The following MGAT4C variants were observed in gnomAD, a reference collection of about 807,000 sequenced individuals.
MGAT4C encodes the protein MGAT4 family member C.
MGAT4C carries 19 observed loss-of-function variants against 40.1 expected under a neutral mutation model. The ratio of observed to expected loss-of-function variants is 0.47; its 90% CI spans 0.33 to 0.70. The LOEUF (loss-of-function observed/expected upper bound fraction) is 0.70, where lower values mean the gene tolerates loss of function less well. Ranked by LOEUF, MGAT4C falls within the 30% of genes least tolerant of loss-of-function variation. The pLI, the probability that MGAT4C is intolerant of heterozygous loss-of-function variation, is 0.02. For synonymous variants in MGAT4C, 181 were observed against 187.1 expected (o/e 0.97, Z 0.27); for missense variants, 491 against 563.2 (o/e 0.87, Z 1.30).
In MGAT4C at chr12:85,972,383, AT is replaced by A; in HGVS notation, c.*6905del. 1 of 151,100 alleles carries A rather than the reference AT, an allele frequency of 6.6e-6. No homozygotes were observed. Among genetic ancestry groups the A allele is most frequent in the Non-Finnish European group, 1.5e-5 (1 of 67,268 alleles). The allele number at this position is 151,100 out of a possible 1,614,324, so 9.4% of individuals were successfully genotyped here. On this transcript the variant is annotated 3_prime_UTR_variant, in exon 5 of 5. Coordinates refer to ENST00000611864, the MANE Select transcript of MGAT4C (RefSeq NM_001351288.2). Reference sequence around the variant, plus strand: ...TCATTTAAAGAAAAACTATTTGTTCATTTTATTAGCAGATATCAAATGCCCT... The same window carrying A: ...TCATTTAAAGAAAAACTATTTGTTCATTTATTAGCAGATATCAAATGCCCT...
At chr12:86,754,743 C>T (rs946338434) in intron 1 of MGAT4C, among the ~76,000 whole-genome samples, 4 of 152,078 alleles carry the variant, frequency 2.6e-5, no homozygotes, top group Non-Finnish European at 5.9e-5. Context: ...TGTTTTAGGA[C>T]AGACTTCCAC....
At chr12:86,762,937 G>A (rs1451167273) in intron 1 of MGAT4C, among the ~76,000 whole-genome samples, 2 of 152,096 alleles carry the variant, frequency 1.3e-5, no homozygotes, top group African/African-American at 2.4e-5. Context: ...CAGATATCAC[G>A]TTATGACACA....
intron 3 of MGAT4C, among the ~76,000 whole-genome samples, chr12:86,350,831 C>T (rs1365596877): frequency 6.6e-6 from 1 of 152,050 alleles, no homozygotes; most frequent in Admixed American, 6.6e-5. Context: ...TGTGGTGGAA[C>T]TCACATAATT....
Position 85,957,001 on chromosome 12 carries a change from G to C in MGAT4C, c.*22288C>G, listed in dbSNP as rs2136634720. 1 of 152,230 alleles carries C rather than the reference G, an allele frequency of 6.6e-6. No homozygotes were observed. Among genetic ancestry groups the C allele is most frequent in the South Asian group, 2.1e-4 (1 of 4,818 alleles). 9.4% of individuals were successfully genotyped at this position (152,230 alleles called of 1,614,324 possible). A position where few individuals can be genotyped will look rare whatever the true frequency, so the allele number is the denominator to read the frequency against. On this transcript the variant is annotated 3_prime_UTR_variant, in exon 5 of 5. Coordinates refer to ENST00000611864, the MANE Select transcript of MGAT4C (RefSeq NM_001351288.2). ...TCCTATTGTAACAGCTGATTTCATG[G>C]CTATGTGGAACCATTGGTTGGACAC...
chr12:86,737,543 G>A (rs571535336), intron 1 of MGAT4C, among the ~76,000 whole-genome samples: 2 of 150,862 alleles, frequency 1.3e-5, no homozygotes, highest in African/African-American at 2.4e-5. Context: ...ATCCAGTTTC[G>A]AAGACAAATT....
At chr12:86,191,136 CCT>C (rs1889400607) in intron 1 of MGAT4C, among the ~76,000 whole-genome samples, 1 of 144,098 alleles carries the variant, frequency 6.9e-6, no homozygotes, top group African/African-American at 2.5e-5. Context: ...CACACACACC[CCT>C]ATAGGGTCTG....
chr12:86,210,245 T>A (rs1236420267), intron 1 of MGAT4C, among the ~76,000 whole-genome samples: 1 of 152,170 alleles, frequency 6.6e-6, no homozygotes. Context: ...CTACTTTAAT[T>A]ATAAATAAAG....
chr12:85,987,318 T>C (rs1885354836), intron 3 of MGAT4C, among the ~76,000 whole-genome samples: 2 of 151,058 alleles, frequency 1.3e-5, no homozygotes, highest in Non-Finnish European at 3.0e-5. Context: ...TTTGTATTTT[T>C]AGTAGAGACG....
intron 1 of MGAT4C, among the ~76,000 whole-genome samples, chr12:86,222,870 G>C (rs1950935465): frequency 6.6e-6 from 1 of 152,152 alleles, no homozygotes; most frequent in African/African-American, 2.4e-5. Flanking sequence ...CTGGGAGCTG[G>C]AAGAAGCTTC....
intron 1 of MGAT4C, among the ~76,000 whole-genome samples, chr12:86,155,213 T>C (rs1884785716): frequency 6.6e-6 from 1 of 152,272 alleles, no homozygotes; most frequent in African/African-American, 2.4e-5. Flanking sequence ...GCAGAAATCA[T>C]AAAAGATGAA....
chr12:85,956,082 G>C lies in MGAT4C; in HGVS notation c.*23207C>G, dbSNP rs1262506883. ...CAAAACTAGATTAATGAAAAATCACGACTGAAATCACTCTTTCAATAACAA... is the reference window on the plus strand; with the variant it reads ...CAAAACTAGATTAATGAAAAATCACCACTGAAATCACTCTTTCAATAACAA... On this transcript the variant is annotated 3_prime_UTR_variant, in exon 5 of 5. Coordinates refer to ENST00000611864, the MANE Select transcript of MGAT4C (RefSeq NM_001351288.2). The C allele has an allele frequency of 2.0e-5, 3 of 152,124 alleles. No homozygotes were observed. The highest frequency in any genetic ancestry group is 4.4e-5 in the Non-Finnish European group (3 of 68,014). The allele number at this position is 152,124 out of a possible 1,614,324, so 9.4% of individuals were successfully genotyped here.
chr12:86,379,223 TGAGA>T (rs1460312757), intron 3 of MGAT4C, among the ~76,000 whole-genome samples: 2 of 152,082 alleles, frequency 1.3e-5, no homozygotes, highest in Non-Finnish European at 2.9e-5. Context: ...AATGCCTAGT[TGAGA>T]GTGTTGCATA....
At chr12:86,188,903 A>G (rs1889067622) in intron 1 of MGAT4C, among the ~76,000 whole-genome samples, 1 of 151,982 alleles carries the variant, frequency 6.6e-6, no homozygotes, top group Admixed American at 6.6e-5. Context: ...TAAATAAATA[A>G]TATAAATAAG....
At chr12:86,337,485 A>C (rs2136179807) in intron 3 of MGAT4C, among the ~76,000 whole-genome samples, 1 of 151,648 alleles carries the variant, frequency 6.6e-6, no homozygotes. Flanking sequence ...TGAGAGGCTA[A>C]GGCAGGAGAA....
At chr12:86,543,058 G>C (rs975407593) in intron 2 of MGAT4C, among the ~76,000 whole-genome samples, 12 of 151,800 alleles carry the variant, frequency 7.9e-5, no homozygotes, top group Admixed American at 5.9e-4. Context: ...CCCTACTTCT[G>C]TTTAAAGAAA....
intron 2 of MGAT4C, among the ~76,000 whole-genome samples, chr12:86,612,258 A>G (rs1962307379): frequency 6.6e-6 from 1 of 152,142 alleles, no homozygotes; most frequent in South Asian, 2.1e-4. Context: ...TGATCCCCAT[A>G]TACTTATTTT....
chr12:86,787,956 A>G (rs986722943), intron 1 of MGAT4C, among the ~76,000 whole-genome samples: 8 of 152,122 alleles, frequency 5.3e-5, no homozygotes, highest in Non-Finnish European at 1.0e-4. Flanking sequence ...CTGTGTTTAG[A>G]TTTTAAAAAG....
chr12:86,673,536 AT>A (rs1337052026), intron 2 of MGAT4C, among the ~76,000 whole-genome samples: 1 of 152,188 alleles, frequency 6.6e-6, no homozygotes, highest in East Asian at 1.9e-4. Flanking sequence ...AGTAATATGC[AT>A]TTTAATATAT....
intron 2 of MGAT4C, among the ~76,000 whole-genome samples, chr12:86,045,400 G>T (rs2136951947): frequency 6.6e-6 from 1 of 152,222 alleles, no homozygotes; most frequent in Non-Finnish European, 1.5e-5. Flanking sequence ...TCACTCATAT[G>T]CATTACTTGC....
Sources: allele counts gnomAD v4.1 joint callset (sites outside exome capture counted in the v4.1 genomes callset), GRCh38; gene constraint gnomAD v4.1.1; transcripts MANE v1.5; gene names NCBI Gene and HGNC (gene_info 2026-07-23, HGNC 2026-07-21).